ACTR3B: variants seen among roughly 807,000 people sequenced by gnomAD.
ACTR3B encodes actin-related protein 3B.
ACTR3B carries 8 observed loss-of-function variants against 59.0 expected under a neutral mutation model. That is an observed-to-expected ratio of 0.14 (90% CI 0.08 to 0.24). The LOEUF (loss-of-function observed/expected upper bound fraction) is 0.24, where lower values mean the gene tolerates loss of function less well. Ranked by LOEUF, ACTR3B falls within the 10% of genes least tolerant of loss-of-function variation. ACTR3B has a pLI of 1.00. For missense variants in ACTR3B, 245 were observed against 552.3 expected (o/e 0.44, Z 5.58); for synonymous variants, 148 against 197.9 (o/e 0.75, Z 2.12).
chr7:152,802,624 C>T (rs1209545910), intron 4 of ACTR3B, among the ~76,000 whole-genome samples: 1 of 149,698 alleles, frequency 6.7e-6, no homozygotes, highest in Admixed American at 6.7e-5. Context: ...CTCTTTTCAT[C>T]AAGTTAAAAT....
intron 9 of ACTR3B, among the ~76,000 whole-genome samples, chr7:152,827,803 G>A (rs1217370670): frequency 6.6e-6 from 1 of 152,198 alleles, no homozygotes; most frequent in Non-Finnish European, 1.5e-5. Context: ...TCTTTCCAAA[G>A]TATGGGTCTT....
intron 8 of ACTR3B, 28 bp from the exon 9 acceptor site, chr7:152,825,002 G>A (rs376278131): frequency 6.2e-7 from 1 of 1,604,536 alleles, no homozygotes; most frequent in Non-Finnish European, 8.5e-7. Context: ...AATGTGTAAT[G>A]TTTCTTTTAT....
rs200780113 is a variant in ACTR3B at position 152,770,726 on chromosome 7, AC to A, written c.44+10802del. Among the ~76,000 whole-genome samples the A allele has an allele frequency of 7.8e-3, 1,146 of 147,092 alleles. 7 individuals are homozygous for A. Among genetic ancestry groups the A allele is most frequent in the African/African-American group, 0.028 (1,073 of 38,720 alleles). Reference sequence around the variant, plus strand: ...ACTGTTCAGCCAATTCTTCTAAACAACCAGAGGACTACACAGAGATTTCAAG... The same window carrying A: ...ACTGTTCAGCCAATTCTTCTAAACAACAGAGGACTACACAGAGATTTCAAG... On this transcript the variant is annotated intron_variant, in intron 1 of 11. Coordinates refer to ENST00000256001, the MANE Select transcript of ACTR3B (RefSeq NM_020445.6).
intron 7 of ACTR3B, among the ~76,000 whole-genome samples, 158 bp from the exon 8 acceptor site, chr7:152,823,184 A>T (rs557190114): frequency 1.3e-5 from 2 of 152,314 alleles, no homozygotes; most frequent in East Asian, 3.9e-4. Flanking sequence ...ATGAAAGACG[A>T]TGGAATGTGA....
chr7:152,800,755 G>C, intron 3 of ACTR3B, 100 bp downstream of exon 3: 2 of 1,402,846 alleles, frequency 1.4e-6, no homozygotes, highest in Non-Finnish European at 1.9e-6. Context: ...TGTAGAATGT[G>C]TTATGTTTGA....
intron 1 of ACTR3B, among the ~76,000 whole-genome samples, chr7:152,776,418 GAA>G (rs1363595574): frequency 2.0e-5 from 3 of 152,080 alleles, no homozygotes; most frequent in African/African-American, 7.2e-5. Context: ...TTATATTGCA[GAA>G]AATGTATAAC....
chr7:152,773,937 G>C (rs527780430), intron 1 of ACTR3B, among the ~76,000 whole-genome samples: 1 of 152,256 alleles, frequency 6.6e-6, no homozygotes, highest in South Asian at 2.1e-4. Flanking sequence ...AGTCCCACAG[G>C]TACCTGGGCA....
At chr7:152,786,572 A>C (rs1266658811) in intron 2 of ACTR3B, 1 of 157,044 alleles carries the variant, frequency 6.4e-6, no homozygotes, top group African/African-American at 2.4e-5. Context: ...AAAAAAACAA[A>C]AAACAAACAA....
chr7:152,800,752 T>C, intron 3 of ACTR3B, 97 bp downstream of exon 3: 1 of 1,432,770 alleles, frequency 7.0e-7, no homozygotes, highest in Admixed American at 2.2e-5. Context: ...AGTTGTAGAA[T>C]GTGTTATGTT....
chr7:152,819,458 C>T (rs1022999871), intron 6 of ACTR3B, among the ~76,000 whole-genome samples: 4 of 152,260 alleles, frequency 2.6e-5, no homozygotes, highest in African/African-American at 9.6e-5. Context: ...GCATCCTGCT[C>T]ATCCCCTGGA....
In ACTR3B at chr7:152,800,109, TAG is replaced by T. The variant is rs540765034; in HGVS notation, c.101-419_101-418del. Among the ~76,000 whole-genome samples the T allele has an allele frequency of 1.4e-3, 210 of 152,358 alleles. 1 individual carries two copies. The highest frequency in any genetic ancestry group is 4.9e-3 in the African/African-American group (204 of 41,578). On this transcript the variant is annotated intron_variant, in intron 2 of 11. Coordinates refer to ENST00000256001, the MANE Select transcript of ACTR3B (RefSeq NM_020445.6). ...AAGTACATTTTAAGGCTATGTGATG[TAG>T]AGTCTTATTATAGACATTATTTTTC... is the stretch of plus-strand genomic sequence containing the variant.
At chr7:152,831,465 T>C (rs1797025412) in intron 9 of ACTR3B, among the ~76,000 whole-genome samples, 1 of 152,150 alleles carries the variant, frequency 6.6e-6, no homozygotes, top group African/African-American at 2.4e-5. Context: ...GTGATGGCAG[T>C]GTCTGTCTCT....
intron 2 of ACTR3B, among the ~76,000 whole-genome samples, chr7:152,786,827 G>A (rs2098176314): frequency 6.6e-6 from 1 of 151,910 alleles, no homozygotes; most frequent in Admixed American, 6.6e-5. Flanking sequence ...TTCCAATATG[G>A]TATCACACTG....
intron 1 of ACTR3B, among the ~76,000 whole-genome samples, chr7:152,769,449 A>G (rs1285679288): frequency 6.6e-6 from 1 of 152,122 alleles, no homozygotes; most frequent in Non-Finnish European, 1.5e-5. Context: ...ATATAGATAT[A>G]TATATATTTC....
intron 9 of ACTR3B, among the ~76,000 whole-genome samples, chr7:152,834,824 G>T (rs1193012749): frequency 6.6e-6 from 1 of 152,162 alleles, no homozygotes; most frequent in Non-Finnish European, 1.5e-5. Flanking sequence ...ATCTGCTGGC[G>T]AGTGAAGCAG....
At chr7:152,789,050 C>CAAA (rs869174521) in intron 2 of ACTR3B, among the ~76,000 whole-genome samples, 1 of 78,190 alleles carries the variant, frequency 1.3e-5, no homozygotes, top group Non-Finnish European at 2.7e-5. Flanking sequence ...ACAACAACAA[C>CAAA]AAACAGCAAC....
rs752148349 is a variant in ACTR3B at position 152,809,036 on chromosome 7, TCTAA to T, written c.337-5511_337-5508del. ...AGTAGTAATCGCTAACATTTATACT[TCTAA>T]CTGTGTTCTGGGCACTTCACTGCTA... On this transcript the variant is annotated intron_variant, in intron 4 of 11. Transcript: ENST00000256001. 3.9e-5 allele frequency among the ~76,000 whole-genome samples: 6 copies of T among 152,144 alleles called. No homozygotes were observed. In the East Asian group the frequency reaches 5.8e-4, roughly 15 times the overall value.
intron 10 of ACTR3B, 119 bp downstream of exon 10, chr7:152,852,370 A>C (rs373998353): frequency 7.8e-6 from 10 of 1,285,852 alleles, no homozygotes; most frequent in Non-Finnish European, 1.0e-5. Context: ...ACAAGTGTTC[A>C]TCGCTTTCTG....
chr7:152,792,154 T>C (rs2098198733), intron 2 of ACTR3B, among the ~76,000 whole-genome samples: 2 of 152,168 alleles, frequency 1.3e-5, no homozygotes, highest in Non-Finnish European at 2.9e-5. Flanking sequence ...TCCAAAGTGC[T>C]GGGATTACAG....
Sources: allele counts gnomAD v4.1 joint callset (sites outside exome capture counted in the v4.1 genomes callset), GRCh38; gene constraint gnomAD v4.1.1; transcripts MANE v1.5; gene names NCBI Gene and HGNC (gene_info 2026-07-23, HGNC 2026-07-21).